The following PKP1 variants were observed in gnomAD, a reference collection of about 807,000 sequenced individuals.
The protein encoded by PKP1 is plakophilin-1.
Under a neutral mutation model 76.4 loss-of-function variants are expected in PKP1, and 27 were observed. The ratio of observed to expected loss-of-function variants is 0.35; its 90% CI spans 0.26 to 0.49. The LOEUF is 0.49. Ranked by LOEUF, PKP1 falls within the 20% of genes least tolerant of loss-of-function variation. The pLI is 0.99. For synonymous variants in PKP1, 404 were observed against 384.2 expected, an observed-to-expected ratio of 1.05 and a Z score of -0.60; for missense variants, 964 against 955.2, an observed-to-expected ratio of 1.01 and a Z score of -0.12.
Position 201,316,642 on chromosome 1 carries a change from T to C in PKP1, c.791T>C (p.Ile264Thr), listed in dbSNP as rs369999615. The C allele has an allele frequency of 4.6e-5, 74 of 1,613,736 alleles. No individual in the cohort carries two copies. The highest frequency in any genetic ancestry group is 3.7e-4 in the African/African-American group (28 of 75,056). Residue 264 changes from isoleucine (I) to threonine (T), a missense_variant, in exon 4 of 14, where the codon ATT (isoleucine) becomes ACT (threonine). Coordinates refer to ENST00000367324, the MANE Select transcript of PKP1 (RefSeq NM_001005337.3). ...LSSQDEKYQA[I>T]GAYYIQHTCF... is the part of the protein sequence containing the mutation. ...TCCCAGGATGAGAAGTACCAGGCCA[T>C]TGGGGCCTATTACATCCAGCATACC...
chr1:201,289,643 C>CCCAGCTTG (rs1403629671), intron 1 of PKP1, among the ~76,000 whole-genome samples: 1 of 151,748 alleles, frequency 6.6e-6, no homozygotes, highest in Non-Finnish European at 1.5e-5. Context: ...TCAGGGAGCT[C>CCCAGCTTG]CCAGCTTGGT....
At chr1:201,293,349 G>A (rs832144) in intron 1 of PKP1, among the ~76,000 whole-genome samples, 22,952 of 152,150 alleles carry the variant, frequency 0.15, 2,008 homozygotes, top group Non-Finnish European at 0.2. Context: ...CAAGCACTCC[G>A]AAAACATTAA....
At chr1:201,322,265 C>T (rs569049726) in intron 8 of PKP1, 132 bp downstream of exon 8, 4 of 973,694 alleles carry the variant, frequency 4.1e-6, no homozygotes, top group African/African-American at 1.6e-5. Context: ...CATGCTGACA[C>T]CTTGGCCTGG....
chr1:201,318,428 T>A (rs1656833239), intron 5 of PKP1, among the ~76,000 whole-genome samples, 190 bp from the exon 6 acceptor site: 1 of 152,208 alleles, frequency 6.6e-6, no homozygotes. Context: ...GCAAAGAACC[T>A]TCAGTCTGGT....
At chr1:201,307,180 G>A (rs1248368910) in intron 2 of PKP1, among the ~76,000 whole-genome samples, 4 of 152,252 alleles carry the variant, frequency 2.6e-5, no homozygotes, top group African/African-American at 9.6e-5. Flanking sequence ...AGCTCCCTCT[G>A]CCTTTGAGGA....
intron 2 of PKP1, among the ~76,000 whole-genome samples, chr1:201,302,046 C>T (rs1276024889): frequency 6.6e-6 from 1 of 152,224 alleles, no homozygotes; most frequent in Non-Finnish European, 1.5e-5. Flanking sequence ...CCTGTTTCAG[C>T]TGCGCTGTGT....
At chr1:201,287,317 A>G (rs1458554262) in intron 1 of PKP1, among the ~76,000 whole-genome samples, 1 of 151,804 alleles carries the variant, frequency 6.6e-6, no homozygotes, top group Non-Finnish European at 1.5e-5. Flanking sequence ...GCTTGTACGA[A>G]CTCCGCAGCC....
intron 2 of PKP1, among the ~76,000 whole-genome samples, chr1:201,304,882 T>C (rs1296243607): frequency 6.6e-6 from 1 of 152,230 alleles, no homozygotes; most frequent in East Asian, 1.9e-4. Flanking sequence ...CTGAGCTTAA[T>C]ATGCTCACAA....
In PKP1 at chr1:201,283,626, C is replaced by T; in HGVS notation, c.-77C>T. On this transcript the variant is annotated 5_prime_UTR_variant, in exon 1 of 14. Transcript: ENST00000367324. The stretch of plus-strand genomic sequence containing the variant: ...GAGAGCGAGAAGAGCACGCTCCTGC[C>T]CGCCCGCTGCACCGCACCTCGCCTC... 1 of 1,313,424 alleles carries T rather than the reference C, an allele frequency of 7.6e-7. No individual in the cohort carries two copies. The highest frequency in any genetic ancestry group is 2.5e-5 in the East Asian group (1 of 40,136). The allele number at this position is 1,313,424 out of a possible 1,614,324, so 81.4% of individuals were successfully genotyped here.
At chr1:201,303,358 G>A (rs908503457) in intron 2 of PKP1, among the ~76,000 whole-genome samples, 1 of 151,700 alleles carries the variant, frequency 6.6e-6, no homozygotes, top group Non-Finnish European at 1.5e-5. Flanking sequence ...GAACTCCTGG[G>A]TTCAAGCAAT....
intron 2 of PKP1, among the ~76,000 whole-genome samples, chr1:201,299,829 C>T (rs1179975033): frequency 6.6e-6 from 1 of 152,164 alleles, no homozygotes; most frequent in Non-Finnish European, 1.5e-5. Flanking sequence ...TAAAACAGAC[C>T]CAACTCCCTC....
intron 12 of PKP1, among the ~76,000 whole-genome samples, chr1:201,327,880 G>A (rs1285661231): frequency 6.6e-6 from 1 of 152,168 alleles, no homozygotes; most frequent in Non-Finnish European, 1.5e-5. Flanking sequence ...AGGGTCCAAG[G>A]AGTTTGTCTT....
At chr1:201,286,621 G>T (rs1249202248) in intron 1 of PKP1, among the ~76,000 whole-genome samples, 2 of 152,136 alleles carry the variant, frequency 1.3e-5, no homozygotes, top group Non-Finnish European at 2.9e-5. Context: ...GGTCATGAAG[G>T]CCCCGGGCAG....
intron 2 of PKP1, among the ~76,000 whole-genome samples, chr1:201,303,162 G>C (rs1358597546): frequency 2.0e-5 from 3 of 152,238 alleles, no homozygotes; most frequent in Admixed American, 2.0e-4. Flanking sequence ...TTACTTATCA[G>C]TTCCACTGCA....
intron 2 of PKP1, among the ~76,000 whole-genome samples, chr1:201,309,761 G>A (rs991644898): frequency 2.0e-5 from 3 of 152,192 alleles, no homozygotes; most frequent in Admixed American, 6.5e-5. Context: ...GTTTGGAAAC[G>A]TGTGGGGACA....
chr1:201,291,072 C>T (rs1193003501), intron 1 of PKP1, among the ~76,000 whole-genome samples: 1 of 152,106 alleles, frequency 6.6e-6, no homozygotes, highest in Non-Finnish European at 1.5e-5. Context: ...GCACACCTGC[C>T]CCCAGTACTC....
intron 1 of PKP1, among the ~76,000 whole-genome samples, chr1:201,292,679 G>A (rs903829905): frequency 3.3e-5 from 5 of 152,190 alleles, no homozygotes; most frequent in Non-Finnish European, 7.3e-5. Flanking sequence ...TTGGCTGGGT[G>A]AGATCACTGC....
At chr1:201,315,049 G>C (rs1571555569) in intron 3 of PKP1, among the ~76,000 whole-genome samples, 1 of 152,246 alleles carries the variant, frequency 6.6e-6, no homozygotes, top group Non-Finnish European at 1.5e-5. Context: ...CCCCGTTATA[G>C]AGCTAGACGT....
chr1:201,320,516 G>A (rs1656907207), intron 7 of PKP1, 135 bp downstream of exon 7: 1 of 711,102 alleles, frequency 1.4e-6, no homozygotes, highest in Non-Finnish European at 2.6e-6. Flanking sequence ...TGGATGCAGG[G>A]CTCAGTGGTG....
Sources: gnomAD v4.1 joint callset for allele counts (sites outside exome capture counted in the v4.1 genomes callset) on GRCh38, gnomAD v4.1.1 for gene constraint, MANE v1.5 for transcripts, NCBI Gene and HGNC (gene_info 2026-07-23, HGNC 2026-07-21) for gene names.